Variants in PLCB1 observed in about 807,000 individuals in gnomAD.
PLCB1 encodes phospholipase C beta 1.
PLCB1 carries 46 observed loss-of-function variants against 161.8 expected under a neutral mutation model. The ratio of observed to expected loss-of-function variants is 0.28; its 90% CI spans 0.22 to 0.36. The LOEUF (loss-of-function observed/expected upper bound fraction) is 0.36. PLCB1 is among the 10% of genes least tolerant of loss of function. PLCB1 has a pLI of 1.00. For synonymous variants in PLCB1, 517 were observed against 503.7 expected (o/e 1.03, Z -0.35); for missense variants, 1,016 against 1,472.5 (o/e 0.69, Z 5.07).
intron 11 of PLCB1, among the ~76,000 whole-genome samples, chr20:8,701,049 A>G (rs1990691764): frequency 6.6e-6 from 1 of 152,222 alleles, no homozygotes; most frequent in Non-Finnish European, 1.5e-5. Flanking sequence ...CAGAGCTGGC[A>G]CTAGAGAGTG....
At chr20:8,528,854 C>A (rs1157080945) in intron 3 of PLCB1, among the ~76,000 whole-genome samples, 1 of 151,662 alleles carries the variant, frequency 6.6e-6, no homozygotes, top group Admixed American at 6.6e-5. Context: ...CGACAATTCC[C>A]AGAGAAATTG....
intron 3 of PLCB1, among the ~76,000 whole-genome samples, chr20:8,516,153 G>T (rs1984103176): frequency 1.3e-5 from 2 of 152,126 alleles, no homozygotes; most frequent in African/African-American, 4.8e-5. Context: ...CAACACGTGG[G>T]AATTATGGGA....
chr20:8,142,175 T>A (rs893401112), intron 1 of PLCB1, among the ~76,000 whole-genome samples: 1 of 152,194 alleles, frequency 6.6e-6, no homozygotes, highest in African/African-American at 2.4e-5. Flanking sequence ...ATTTGTGGAA[T>A]GAAGGAACTG....
chr20:8,574,099 T>C (rs1045790784), intron 3 of PLCB1, among the ~76,000 whole-genome samples: 2 of 152,170 alleles, frequency 1.3e-5, no homozygotes, highest in African/African-American at 2.4e-5. Context: ...CAAAGAACAA[T>C]CTTATTTAAA....
At chr20:8,569,408 C>G (rs73595508) in intron 3 of PLCB1, among the ~76,000 whole-genome samples, 3,738 of 152,164 alleles carry the variant, frequency 0.025, 159 homozygotes, top group African/African-American at 0.085. Flanking sequence ...ATTTAATTAT[C>G]AAATTTTTAT....
intron 27 of PLCB1, among the ~76,000 whole-genome samples, chr20:8,783,374 A>G (rs555507517): frequency 6.8e-4 from 103 of 152,342 alleles, no homozygotes; most frequent in Non-Finnish European, 1.3e-3. Flanking sequence ...TGATAAATAC[A>G]CCAAAAGTTA....
chr20:8,202,355 G>A (rs923339430), intron 2 of PLCB1, among the ~76,000 whole-genome samples: 7 of 152,212 alleles, frequency 4.6e-5, no homozygotes, highest in Admixed American at 6.5e-5. Flanking sequence ...GATTACAGGC[G>A]TCAGCCACTG....
intron 15 of PLCB1, 149 bp downstream of exon 15, chr20:8,722,570 C>A: frequency 2.0e-6 from 1 of 492,170 alleles, no homozygotes; most frequent in Non-Finnish European, 3.6e-6. Flanking sequence ...AATTAAATGG[C>A]TTATGAAATG....
chr20:8,448,308 A>G (rs1281296121), intron 3 of PLCB1, among the ~76,000 whole-genome samples: 2 of 152,216 alleles, frequency 1.3e-5, no homozygotes, highest in South Asian at 2.1e-4. Flanking sequence ...CCTGAAACGC[A>G]CATCAGTCTT....
intron 2 of PLCB1, among the ~76,000 whole-genome samples, chr20:8,203,470 C>T (rs899181684): frequency 1.3e-5 from 2 of 151,942 alleles, no homozygotes; most frequent in African/African-American, 4.8e-5. Context: ...GTTTGAGGAG[C>T]CTGCTTAACT....
At chr20:8,594,964 A>T (rs1987281636) in intron 3 of PLCB1, among the ~76,000 whole-genome samples, 1 of 152,140 alleles carries the variant, frequency 6.6e-6, no homozygotes, top group Admixed American at 6.5e-5. Flanking sequence ...ATATTCTAAC[A>T]CCGAGGTGCC....
intron 11 of PLCB1, among the ~76,000 whole-genome samples, chr20:8,704,457 A>T (rs1978550757): frequency 6.6e-6 from 1 of 152,282 alleles, no homozygotes; most frequent in African/African-American, 2.4e-5. Flanking sequence ...TTCAGCCATG[A>T]AGTTGTTAAA....
At chr20:8,181,575 A>G (rs1049084832) in intron 2 of PLCB1, among the ~76,000 whole-genome samples, 7 of 152,294 alleles carry the variant, frequency 4.6e-5, no homozygotes, top group Non-Finnish European at 8.8e-5. Context: ...AGTCCAAGTG[A>G]TCTATATTTT....
chr20:8,722,480 C>T (rs1471567062), intron 15 of PLCB1, 59 bp downstream of exon 15: 2 of 1,235,730 alleles, frequency 1.6e-6, no homozygotes, highest in Non-Finnish European at 1.1e-6. Flanking sequence ...TCTCCTGGGT[C>T]TGTCTCATGG....
chr20:8,535,824 G>A (rs1985027695), intron 3 of PLCB1, among the ~76,000 whole-genome samples: 1 of 152,052 alleles, frequency 6.6e-6, no homozygotes, highest in Non-Finnish European at 1.5e-5. Context: ...CATTATTATG[G>A]TCAAAGGTAG....
chr20:8,432,562 A>G (rs909920376), intron 3 of PLCB1, among the ~76,000 whole-genome samples: 5 of 152,214 alleles, frequency 3.3e-5, no homozygotes, highest in African/African-American at 9.7e-5. Flanking sequence ...TTCTATCCTT[A>G]GCAGATGCTA....
intron 14 of PLCB1, among the ~76,000 whole-genome samples, chr20:8,721,355 A>C (rs934750782): frequency 2.6e-5 from 4 of 152,226 alleles, no homozygotes; most frequent in Non-Finnish European, 4.4e-5. Flanking sequence ...GATAGTAGTT[A>C]AATCAATTTA....
In PLCB1 at chr20:8,722,738, T is replaced by G. The variant is rs78002329; in HGVS notation, c.1581+317T>G. ...TCAAAAATATTAATTGCACAGAACC[T>G]AGAAGAGAATCAGAAGCAGATCAAC... On this transcript the variant is annotated intron_variant, in intron 15 of 31. Coordinates refer to ENST00000338037, the MANE Select transcript of PLCB1 (RefSeq NM_015192.4). 5.8e-3 allele frequency among the ~76,000 whole-genome samples: 883 copies of G among 152,258 alleles called. 7 individuals carry two copies. The highest frequency in any genetic ancestry group is 0.02 in the African/African-American group (840 of 41,546).
At chr20:8,218,937 T>G (rs1248261811) in intron 2 of PLCB1, among the ~76,000 whole-genome samples, 3 of 152,186 alleles carry the variant, frequency 2.0e-5, no homozygotes, top group African/African-American at 7.2e-5. Context: ...GAGCTGTGAA[T>G]TAGAAGTTTC....
Sources: gnomAD v4.1 joint callset for allele counts (sites outside exome capture counted in the v4.1 genomes callset) on GRCh38, gnomAD v4.1.1 for gene constraint, MANE v1.5 for transcripts, NCBI Gene and HGNC (gene_info 2026-07-23, HGNC 2026-07-21) for gene names.